Variants in CWF19L2 observed in about 807,000 individuals in gnomAD.
CWF19L2 encodes the protein CWF19-like protein 2.
CWF19L2 carries 98 observed loss-of-function variants against 111.7 expected under a neutral mutation model. The ratio of observed to expected loss-of-function variants is 0.88; its 90% CI spans 0.75 to 1.04. The LOEUF (loss-of-function observed/expected upper bound fraction) is 1.04. Ranked by LOEUF, CWF19L2 falls within the 50% of genes least tolerant of loss-of-function variation. CWF19L2 has a pLI of 0.00. For missense variants in CWF19L2, 1,101 were observed against 1,051.4 expected (o/e 1.05, Z -0.65); for synonymous variants, 351 against 342.9 (o/e 1.02, Z -0.26).
At chr11:107,334,771 T>A in intron 16 of CWF19L2, 110 bp downstream of exon 16, 1 of 732,460 alleles carries the variant, frequency 1.4e-6, no homozygotes, top group Non-Finnish European at 2.4e-6. Context: ...AACTAGTAAT[T>A]TCGCCTTCAG....
intron 10 of CWF19L2, among the ~76,000 whole-genome samples, chr11:107,400,228 C>G (rs899572947): frequency 8.2e-6 from 1 of 122,314 alleles, no homozygotes; most frequent in African/African-American, 3.4e-5. Context: ...CAGAGCAGAA[C>G]TAAATGAAAT....
Position 107,455,796 on chromosome 11 carries a change from A to T in CWF19L2, c.106-20T>A. 1 of 1,472,700 alleles carries T rather than the reference A, an allele frequency of 6.8e-7. No homozygotes were observed. The highest frequency in any genetic ancestry group is 9.2e-7 in the Non-Finnish European group (1 of 1,086,570). 91.2% of individuals were successfully genotyped at this position (1,472,700 alleles called of 1,614,324 possible). A position where few individuals can be genotyped will look rare whatever the true frequency, so the allele number is the denominator to read the frequency against. ...TTTAGCCTACAACCAAAGAAAAAAA[A>T]AAGACAAACTGGCAATTGACCCAAC... On this transcript the variant is annotated intron_variant, in intron 1 of 17. Transcript: ENST00000282251.
rs150590648 is a variant in CWF19L2, at chr11:107,434,102, G to GA, written c.665-354dup. 8.9e-3 allele frequency among the ~76,000 whole-genome samples: 1,355 copies of GA among 151,700 alleles called. 19 individuals carry two copies. The highest frequency in any genetic ancestry group is 0.031 in the African/African-American group (1,280 of 41,394). On this transcript the variant is annotated intron_variant, in intron 6 of 17. Coordinates refer to ENST00000282251, the MANE Select transcript of CWF19L2 (RefSeq NM_152434.3). ...GGACTCTAGAAAGTAGGAGGTCAGG[G>GA]AAAACTCCACAAACCAGGCTCAAGA...
chr11:107,407,434 G>A (rs1019787542), intron 10 of CWF19L2, among the ~76,000 whole-genome samples: 1 of 150,998 alleles, frequency 6.6e-6, no homozygotes, highest in African/African-American at 2.4e-5. Context: ...GAACATATAT[G>A]AATTCATCCG....
chr11:107,372,222 G>A (rs1304195083), intron 12 of CWF19L2, among the ~76,000 whole-genome samples: 1 of 136,086 alleles, frequency 7.3e-6, no homozygotes, highest in Non-Finnish European at 1.6e-5. Flanking sequence ...TCAAAGAACT[G>A]TCAAGTTATA....
intron 16 of CWF19L2, among the ~76,000 whole-genome samples, chr11:107,331,758 T>C (rs1935745161): frequency 6.6e-6 from 1 of 152,208 alleles, no homozygotes; most frequent in Non-Finnish European, 1.5e-5. Context: ...ACCTATGGCA[T>C]ATTTGCCAAG....
intron 6 of CWF19L2, among the ~76,000 whole-genome samples, chr11:107,438,002 G>C (rs1861566628): frequency 6.6e-6 from 1 of 152,000 alleles, no homozygotes; most frequent in Non-Finnish European, 1.5e-5. Context: ...TCTGCCTGAA[G>C]TTGAAAGAAA....
rs188182107 is a variant in CWF19L2, at chr11:107,436,949, T to C, written c.664+2141A>G. On this transcript the variant is annotated intron_variant, in intron 6 of 17. Coordinates refer to ENST00000282251, the MANE Select transcript of CWF19L2 (RefSeq NM_152434.3). The stretch of plus-strand genomic sequence containing the variant: ...ATATATAACTGTGCCATATAAACTC[T>C]AAAATTGTACAAATATTCCCATTAC... 1.0e-3 allele frequency among the ~76,000 whole-genome samples: 157 copies of C among 152,314 alleles called. 2 individuals are homozygous for C. Among genetic ancestry groups the C allele is most frequent in the Non-Finnish European group, 1.7e-3 (119 of 68,008 alleles).
At chr11:107,428,668 T>C in intron 8 of CWF19L2, 131 bp downstream of exon 8, 1 of 740,066 alleles carries the variant, frequency 1.4e-6, no homozygotes. Flanking sequence ...AATCTGCATA[T>C]CTTACCCCTT....
chr11:107,349,955 C>T (rs1860134350), intron 13 of CWF19L2, among the ~76,000 whole-genome samples: 1 of 152,050 alleles, frequency 6.6e-6, no homozygotes, highest in African/African-American at 2.4e-5. Context: ...GAATTTTCTA[C>T]ATAATCACTG....
At position 107,429,243 on chromosome 11, in the gene CWF19L2, T is replaced by G. The variant is rs184997463; in HGVS notation, c.989A>C (p.Glu330Ala). 668 of 1,612,442 alleles carry G rather than the reference T, an allele frequency of 4.1e-4. 10 individuals are homozygous for G. In the East Asian group the frequency reaches 0.015, roughly 36 times the overall value. The change falls in exon 8 of 18, where the codon GAA (glutamate) becomes GCA (alanine). Residue 330 changes from glutamate to alanine, a missense_variant. Glu to Ala is a moderately radical substitution (Grantham distance 107). Transcript: ENST00000282251. Reference sequence around the variant, plus strand: ...ATCTTTTTCATCACCAATAAATTTTTCATTATTGCTATTTTTTGCAGTATC... The same window carrying G: ...ATCTTTTTCATCACCAATAAATTTTGCATTATTGCTATTTTTTGCAGTATC... Reference protein sequence around the residue: ...TTDTAKNSNNEKFIGDEKDKR... With the variant: ...TTDTAKNSNNAKFIGDEKDKR...
Position 107,390,095 on chromosome 11 carries a change from G to C in CWF19L2, c.1851C>G (p.Leu617=). Residue 617 remains leucine, a synonymous_variant, in exon 12 of 18, where the codon CTC becomes CTG. Transcript: ENST00000282251. ...KMGTAENQNK[L]FMRMASKFMG... ...TTACCTTAGATGCCATTCTCATAAA[G>C]AGCTTGTTTTGATTTTCTGCTGTTC... 6.2e-7 allele frequency: 1 copy of C among 1,612,666 alleles called. No individual in the cohort carries two copies. Among genetic ancestry groups the C allele is most frequent in the Non-Finnish European group, 8.5e-7 (1 of 1,179,428 alleles).
At chr11:107,332,362 T>C (rs1329062346) in intron 16 of CWF19L2, among the ~76,000 whole-genome samples, 2 of 152,198 alleles carry the variant, frequency 1.3e-5, no homozygotes, top group Non-Finnish European at 2.9e-5. Context: ...CAGATCTGTT[T>C]TTCCTGTTTA....
intron 10 of CWF19L2, among the ~76,000 whole-genome samples, chr11:107,398,955 G>T (rs184667239): frequency 6.6e-6 from 1 of 152,256 alleles, no homozygotes; most frequent in African/African-American, 2.4e-5. Context: ...ATGAAGGAAA[G>T]ACACAGTTGT....
At chr11:107,397,824 T>C (rs958750997) in intron 10 of CWF19L2, among the ~76,000 whole-genome samples, 5 of 150,392 alleles carry the variant, frequency 3.3e-5, no homozygotes, top group African/African-American at 7.4e-5. Context: ...GAGAGACCCA[T>C]AGACAGTTCA....
rs534364744 is a variant in CWF19L2, at chr11:107,394,814, C to A, written c.1618-1919G>T. Among the ~76,000 whole-genome samples the A allele has an allele frequency of 1.3e-3, 192 of 152,150 alleles. 1 individual carries two copies. The highest frequency in any genetic ancestry group is 4.4e-3 in the African/African-American group (182 of 41,498). On this transcript the variant is annotated intron_variant, in intron 10 of 17. Transcript: ENST00000282251. Reference sequence around the variant, plus strand: ...GGTTTCCAGCCCTTCAGCCTGAAACCTAATCATCACCCATATTGCAAAAAA... The same window carrying A: ...GGTTTCCAGCCCTTCAGCCTGAAACATAATCATCACCCATATTGCAAAAAA...
At chr11:107,363,505 G>A (rs563300762) in intron 12 of CWF19L2, among the ~76,000 whole-genome samples, 2 of 150,594 alleles carry the variant, frequency 1.3e-5, no homozygotes, top group East Asian at 3.9e-4. Context: ...AGAAGAGAGT[G>A]GGGGCCAATA....
chr11:107,350,773 C>A (rs987340890), intron 13 of CWF19L2, among the ~76,000 whole-genome samples: 1 of 152,140 alleles, frequency 6.6e-6, no homozygotes, highest in Admixed American at 6.5e-5. Flanking sequence ...TAGATAGTGT[C>A]TAGGGAGAAG....
intron 8 of CWF19L2, among the ~76,000 whole-genome samples, chr11:107,423,316 C>T (rs1861327449): frequency 6.6e-6 from 1 of 151,854 alleles, no homozygotes; most frequent in Admixed American, 6.6e-5. Context: ...AAATTCCCTG[C>T]TTTAAAAACT....
Sources: allele counts gnomAD v4.1 joint callset (sites outside exome capture counted in the v4.1 genomes callset), GRCh38; gene constraint gnomAD v4.1.1; transcripts MANE v1.5; gene names NCBI Gene and HGNC (gene_info 2026-07-23, HGNC 2026-07-21).